The following SLC22A25 variants were observed in gnomAD, a reference collection of about 807,000 sequenced individuals.
SLC22A25 encodes the protein MGI:2442751, MGI:2385316, MGI:3042283, MGI:3645714, MGI:3605624, MGI:2442750.
In SLC22A25, 44 loss-of-function variants were observed where a neutral mutation model predicts 45.9. The observed-to-expected ratio is 0.96, with a 90% confidence interval of 0.75 to 1.23. The LOEUF (loss-of-function observed/expected upper bound fraction) is 1.23. Among genes scored for constraint, SLC22A25 ranks in the 50% most tolerant of loss-of-function variants. SLC22A25 has a pLI of 0.00. For missense variants in SLC22A25, 800 were observed against 666.4 expected (o/e 1.20, Z -2.21); for synonymous variants, 283 against 238.6 (o/e 1.19, Z -1.72).
chr11:63,231,027 C>T (rs1590914430), intron 3 of SLC22A25, among the ~76,000 whole-genome samples: 1 of 152,174 alleles, frequency 6.6e-6, no homozygotes. Flanking sequence ...ATATGTGGCA[C>T]ATTTTCTTAA....
intron 9 of SLC22A25, among the ~76,000 whole-genome samples, chr11:63,168,691 T>C (rs138198132): frequency 6.6e-6 from 1 of 152,126 alleles, no homozygotes; most frequent in Non-Finnish European, 1.5e-5. Flanking sequence ...CTATGATGGA[T>C]TGGTGTACCT....
At chr11:63,187,689 G>A (rs2088616421) in intron 7 of SLC22A25, among the ~76,000 whole-genome samples, 1 of 152,118 alleles carries the variant, frequency 6.6e-6, no homozygotes, top group Admixed American at 6.6e-5. Flanking sequence ...GTTTGTCATA[G>A]ATAGCTCTTA....
intron 7 of SLC22A25, among the ~76,000 whole-genome samples, chr11:63,212,866 A>G (rs1193648): frequency 0.98 from 148,990 of 152,198 alleles, 72,973 homozygotes; most frequent in East Asian, 1. Flanking sequence ...AGGCTTTTGC[A>G]CCACCTAGTG....
intron 3 of SLC22A25, among the ~76,000 whole-genome samples, chr11:63,233,851 G>C (rs867523133): frequency 6.6e-6 from 1 of 152,152 alleles, no homozygotes; most frequent in African/African-American, 2.4e-5. Flanking sequence ...GTTCTCATTG[G>C]TTTCAAAGAA....
rs1381650524 is a variant in SLC22A25, at chr11:63,243,556, C to T, written c.-1118G>A. 2 of 762,596 alleles carry T rather than the reference C, an allele frequency of 2.6e-6. No individual in the cohort carries two copies. The highest frequency in any genetic ancestry group is 2.4e-6 in the Non-Finnish European group (1 of 408,376). The allele number at this position is 762,596 out of a possible 1,614,324, so 47.2% of individuals were successfully genotyped here. ...GCCCACTGACTGCCAAAAAGCTGTG[C>T]ATTTATACCGACAACTCCATCAAGC... On this transcript the variant is annotated 5_prime_UTR_variant, in exon 1 of 12. An upstream start codon of the reference 5' UTR is lost. Coordinates refer to ENST00000306494, the MANE Select transcript of SLC22A25 (RefSeq NM_199352.6).
Position 63,166,239 on chromosome 11 carries a change from AAGGGATGGTACTTGCAAATCTGC to A in SLC22A25, c.1071-4_1089del. ...TGGAGGTGCAAAGTAAGGCCCCAAAAAGGGATGGTACTTGCAAATCTGCAGGGAACACAGAAAAAGGCACATAT... is the reference window on the plus strand; with the variant it reads ...TGGAGGTGCAAAGTAAGGCCCCAAAAAGGGAACACAGAAAAAGGCACATAT... On this transcript the variant is annotated splice_acceptor_variant and splice_polypyrimidine_tract_variant and coding_sequence_variant and intron_variant, in exon 10 of 12. Transcript: ENST00000306494. LOFTEE classifies it high-confidence loss of function. 1 of 1,613,912 alleles carries A rather than the reference AAGGGATGGTACTTGCAAATCTGC, an allele frequency of 6.2e-7. No individual in the cohort carries two copies. The highest frequency in any genetic ancestry group is 8.5e-7 in the Non-Finnish European group (1 of 1,179,910).
intron 7 of SLC22A25, among the ~76,000 whole-genome samples, chr11:63,185,344 G>A (rs896622397): frequency 1.3e-5 from 2 of 151,470 alleles, no homozygotes; most frequent in Non-Finnish European, 2.9e-5. Flanking sequence ...GTGTCCATGT[G>A]TTCTCATTGT....
Position 63,162,916 on chromosome 11 carries a change from T to C in SLC22A25, c.*908A>G, listed in dbSNP as rs1590762255. 2.0e-5 allele frequency among the ~76,000 whole-genome samples: 3 copies of C among 152,202 alleles called. No individual in the cohort carries two copies. The highest frequency in any genetic ancestry group is 7.2e-5 in the African/African-American group (3 of 41,442). ...GCACCTGGAATTCCTTAAAATTGTG[T>C]CACTTTGCTGCAGGTATCTTCCTGC... is the stretch of plus-strand genomic sequence containing the variant. On this transcript the variant is annotated 3_prime_UTR_variant, in exon 12 of 12. Transcript: ENST00000306494.
intron 7 of SLC22A25, among the ~76,000 whole-genome samples, chr11:63,203,674 A>G (rs2089314485): frequency 6.6e-6 from 1 of 152,154 alleles, no homozygotes; most frequent in Non-Finnish European, 1.5e-5. Flanking sequence ...GACCAAACCT[A>G]TGATTGACTG....
intron 7 of SLC22A25, among the ~76,000 whole-genome samples, chr11:63,214,955 C>A (rs1018676671): frequency 1.1e-4 from 16 of 152,022 alleles, no homozygotes; most frequent in African/African-American, 3.4e-4. Context: ...AGGATGTGGA[C>A]AAATAGGAAC....
At chr11:63,179,371 T>A (rs1298055273) in intron 9 of SLC22A25, among the ~76,000 whole-genome samples, 1 of 152,146 alleles carries the variant, frequency 6.6e-6, no homozygotes, top group Admixed American at 6.6e-5. Flanking sequence ...TCTATACATT[T>A]GAAGAAATAG....
At position 63,229,323 on chromosome 11, in the gene SLC22A25, C is replaced by T; in HGVS notation, c.330G>A (p.Glu110=). Residue 110 remains glutamate (E), a synonymous_variant, in exon 4 of 12, where the codon GAG becomes GAA. Transcript: ENST00000306494. ...CATCCACACAGGGCTCTGTATCTGGCTCACTCGTGTTGGGGAAGGTCCCAT... is the reference window on the plus strand; with the variant it reads ...CATCCACACAGGGCTCTGTATCTGGTTCACTCGTGTTGGGGAAGGTCCCAT... ...HLNGTFPNTS[E]PDTEPCVDGW... 2 of 1,611,108 alleles carry T rather than the reference C, an allele frequency of 1.2e-6. No individual in the cohort carries two copies. Among genetic ancestry groups the T allele is most frequent in the South Asian group, 1.1e-5 (1 of 90,450 alleles).
At chr11:63,203,048 A>G (rs141980229) in intron 7 of SLC22A25, among the ~76,000 whole-genome samples, 2,310 of 152,346 alleles carry the variant, frequency 0.015, 28 homozygotes, top group Non-Finnish European at 0.021. Flanking sequence ...AAATGCCATC[A>G]GACCTGCGGC....
At position 63,183,762 on chromosome 11, in the gene SLC22A25, A is replaced by G. The variant is rs776044853; in HGVS notation, c.886T>C (p.Leu296=). The change falls in exon 8 of 12, where the codon TTA becomes CTA. Residue 296 remains leucine, a synonymous_variant. Transcript: ENST00000306494. Reference sequence around the variant, plus strand: ...TGTGCAGCTTTTCTAAGTTCCTTTAAGCCCTCTTCTGGTTTGTTGTTGATA... The same window carrying G: ...TGTGCAGCTTTTCTAAGTTCCTTTAGGCCCTCTTCTGGTTTGTTGTTGATA... The part of the protein sequence containing the change: ...LIINNKPEEG[L]KELRKAAHRN... 14 of 1,613,076 alleles carry G rather than the reference A, an allele frequency of 8.7e-6. No homozygotes were observed. The highest frequency in any genetic ancestry group is 1.6e-4 in the Middle Eastern group (1 of 6,080).
At position 63,161,263 on chromosome 11, in the gene SLC22A25, G is replaced by A. The variant is rs1232907248; in HGVS notation, c.*2561C>T. Among the ~76,000 whole-genome samples, 2 of 152,170 alleles carry A rather than the reference G, an allele frequency of 1.3e-5. No individual in the cohort carries two copies. Among genetic ancestry groups the A allele is most frequent in the African/African-American group, 4.8e-5 (2 of 41,432 alleles). ...TAACCAATTTCTTTTGATTTTGCAA[G>A]GTCATAGGTGGAAAGGACTTGCCTT... On this transcript the variant is annotated 3_prime_UTR_variant, in exon 12 of 12. Transcript: ENST00000306494.
At chr11:63,186,769 C>T (rs1590817712) in intron 7 of SLC22A25, among the ~76,000 whole-genome samples, 1 of 152,158 alleles carries the variant, frequency 6.6e-6, no homozygotes, top group African/African-American at 2.4e-5. Context: ...ATATGGCTAG[C>T]CAGTTTTCCC....
chr11:63,217,672 C>A lies in SLC22A25; in HGVS notation c.570G>T (p.Ala190=), dbSNP rs145215297. 3.7e-6 allele frequency: 6 copies of A among 1,613,748 alleles called. No homozygotes were observed. The African/African-American group carries it at 6.7e-5, about 18-fold the overall frequency. ...YLQLAIVGTC[A]AFAPTILVYC... Reference sequence around the variant, plus strand: ...ATACGAGGATGGTGGGAGCAAAGGCCGCACAGGTGCCTACAATGGCGAGCT... The same window carrying A: ...ATACGAGGATGGTGGGAGCAAAGGCAGCACAGGTGCCTACAATGGCGAGCT... The change falls in exon 6 of 12, where the codon GCG becomes GCT. Residue 190 remains alanine, a synonymous_variant. Coordinates refer to ENST00000306494, the MANE Select transcript of SLC22A25 (RefSeq NM_199352.6).
At chr11:63,175,742 A>G (rs1590792693) in intron 9 of SLC22A25, among the ~76,000 whole-genome samples, 2 of 152,024 alleles carry the variant, frequency 1.3e-5, no homozygotes, top group South Asian at 4.1e-4. Context: ...GTCTCATGTT[A>G]AGTCTTGAAT....
intron 8 of SLC22A25, among the ~76,000 whole-genome samples, chr11:63,181,737 A>G (rs1293990033): frequency 1.3e-5 from 2 of 152,050 alleles, no homozygotes; most frequent in African/African-American, 2.4e-5. Context: ...GCCACATCCT[A>G]TATTTATCAG....
Sources: gnomAD v4.1 joint callset for allele counts (sites outside exome capture counted in the v4.1 genomes callset) on GRCh38, gnomAD v4.1.1 for gene constraint, MANE v1.5 for transcripts, NCBI Gene and HGNC (gene_info 2026-07-23, HGNC 2026-07-21) for gene names.